Variants in C8orf34 observed in about 807,000 individuals in gnomAD.
The protein encoded by C8orf34 is chromosome 8 open reading frame 34.
C8orf34 carries 65 observed loss-of-function variants against 68.3 expected under a neutral mutation model. The observed-to-expected ratio is 0.95, with a 90% CI of 0.78 to 1.17. C8orf34 has a LOEUF of 1.17. Among genes scored for constraint, C8orf34 ranks in the 50% most tolerant of loss-of-function variants. The pLI, the probability that C8orf34 is intolerant of heterozygous loss-of-function variation, is 0.00. For missense variants in C8orf34, 664 were observed against 655.4 expected, an observed-to-expected ratio of 1.01 and a Z score of -0.14; for synonymous variants, 244 against 241.2, an observed-to-expected ratio of 1.01 and a Z score of -0.11.
chr8:68,331,483 G>A (rs1585924618), intron 1 of C8orf34, 144 bp downstream of exon 1: 2 of 904,854 alleles, frequency 2.2e-6, no homozygotes, highest in Non-Finnish European at 1.7e-6. Context: ...GGGATTCACT[G>A]GCATTCGCTC....
intron 8 of C8orf34, among the ~76,000 whole-genome samples, chr8:68,678,489 C>T (rs937832635): frequency 1.1e-4 from 17 of 152,022 alleles, no homozygotes; most frequent in African/African-American, 3.1e-4. Flanking sequence ...AGAAACCATA[C>T]GATCATTTCA....
intron 4 of C8orf34, among the ~76,000 whole-genome samples, chr8:68,473,854 A>G (rs775870616): frequency 8.5e-5 from 13 of 152,120 alleles, no homozygotes; most frequent in Non-Finnish European, 1.9e-4. Context: ...TCCAGTCTTC[A>G]TGTTACAAAA....
rs558996092 is a variant in C8orf34, at chr8:68,572,992, G to T, written c.1105+39843G>T. 6.4e-4 allele frequency among the ~76,000 whole-genome samples: 98 copies of T among 152,084 alleles called. No individual in the cohort carries two copies. In the South Asian group the frequency reaches 0.019, roughly 29 times the overall value. ...CAAATACTTGAGTAGAGTTATCATGGCTCTCCCATCTTCATTCCTCCTGCT... is the reference window on the plus strand; with the variant it reads ...CAAATACTTGAGTAGAGTTATCATGTCTCTCCCATCTTCATTCCTCCTGCT... On this transcript the variant is annotated intron_variant, in intron 7 of 13. Transcript: ENST00000518698.
At chr8:68,418,298 C>G (rs1349761395) in intron 1 of C8orf34, among the ~76,000 whole-genome samples, 1 of 148,892 alleles carries the variant, frequency 6.7e-6, no homozygotes, top group African/African-American at 2.5e-5. Context: ...CCTTCTCCTG[C>G]CTAATTGCCC....
rs377679648 is a variant in C8orf34, at chr8:68,342,072, A to G, written c.327+10733A>G. The stretch of plus-strand genomic sequence containing the variant: ...GAAAATTCCTAATGGAGTAGATTTT[A>G]GATTTTTACCACAAACAAAAATGAT... On this transcript the variant is annotated intron_variant, in intron 1 of 13. Coordinates refer to ENST00000518698, the MANE Select transcript of C8orf34 (RefSeq NM_052958.4). 2.6e-4 allele frequency among the ~76,000 whole-genome samples: 40 copies of G among 152,334 alleles called. 1 individual carries two copies. The East Asian group carries it at 3.7e-3, about 14-fold the overall frequency.
At chr8:68,812,233 TA>T (rs1195289903) in intron 12 of C8orf34, among the ~76,000 whole-genome samples, 1 of 152,154 alleles carries the variant, frequency 6.6e-6, no homozygotes, top group East Asian at 1.9e-4. Context: ...ATGATAAACA[TA>T]AAAATTAGAA....
Position 68,434,562 on chromosome 8 carries a change from A to C in C8orf34, c.328-4937A>C, listed in dbSNP as rs555432462. Reference sequence around the variant, plus strand: ...TAGTCTATCACTGATGGGCATTTGCATTGGTTCCGAGTCTTTGCTATCGTA... The same window carrying C: ...TAGTCTATCACTGATGGGCATTTGCCTTGGTTCCGAGTCTTTGCTATCGTA... On this transcript the variant is annotated intron_variant, in intron 1 of 13. Coordinates refer to ENST00000518698, the MANE Select transcript of C8orf34 (RefSeq NM_052958.4). Among the ~76,000 whole-genome samples, 6 of 152,256 alleles carry C rather than the reference A, an allele frequency of 3.9e-5. No homozygotes were observed. In the East Asian group the frequency reaches 1.2e-3, roughly 29 times the overall value.
chr8:68,495,066 C>G (rs868340318), intron 5 of C8orf34, among the ~76,000 whole-genome samples: 1 of 151,632 alleles, frequency 6.6e-6, no homozygotes, highest in South Asian at 2.1e-4. Flanking sequence ...ACAATTCCCC[C>G]GGAGGTCTCA....
chr8:68,724,659 C>T (rs1821774371), intron 10 of C8orf34, among the ~76,000 whole-genome samples: 1 of 152,186 alleles, frequency 6.6e-6, no homozygotes, highest in African/African-American at 2.4e-5. Flanking sequence ...GGTATATATA[C>T]AGCCTATGCA....
rs1240306253 is a variant in C8orf34, at chr8:68,600,883, G to C, written c.1106-39493G>C. On this transcript the variant is annotated intron_variant, in intron 7 of 13. Transcript: ENST00000518698. ...GCTCCTTCCATCTAATTGTATGTTT[G>C]TACCCATTCACCAACCTGTGAATTC... is the stretch of plus-strand genomic sequence containing the variant. Among the ~76,000 whole-genome samples, 3 of 152,070 alleles carry C rather than the reference G, an allele frequency of 2.0e-5. No individual in the cohort carries two copies. In the East Asian group the frequency reaches 5.8e-4, roughly 29 times the overall value.
chr8:68,774,944 T>TAAAAAAAG (rs1823466085), intron 10 of C8orf34, among the ~76,000 whole-genome samples: 1 of 44,688 alleles, frequency 2.2e-5, no homozygotes, highest in African/African-American at 1.3e-4. Context: ...CTGTCTCCAC[T>TAAAAAAAG]AAAAAAAAAA....
At chr8:68,767,361 C>T (rs1440182973) in intron 10 of C8orf34, among the ~76,000 whole-genome samples, 2 of 152,124 alleles carry the variant, frequency 1.3e-5, no homozygotes, top group Non-Finnish European at 2.9e-5. Flanking sequence ...CATTCATTGT[C>T]CCCCAAAGTT....
chr8:68,721,267 C>T (rs751829713), intron 9 of C8orf34, 94 bp from the exon 10 acceptor site: 3 of 767,134 alleles, frequency 3.9e-6, no homozygotes, highest in Non-Finnish European at 6.3e-6. Flanking sequence ...CACCCAATTC[C>T]ATCATTTTAT....
At chr8:68,617,528 T>A (rs1010666667) in intron 7 of C8orf34, among the ~76,000 whole-genome samples, 4 of 152,204 alleles carry the variant, frequency 2.6e-5, no homozygotes, top group African/African-American at 9.7e-5. Flanking sequence ...GTATTTTATT[T>A]CTCCTTCACT....
chr8:68,458,870 C>A (rs1206593763), intron 3 of C8orf34, among the ~76,000 whole-genome samples: 2 of 152,112 alleles, frequency 1.3e-5, no homozygotes, highest in African/African-American at 4.8e-5. Context: ...CAGCTGCGTT[C>A]ATTTTTTTAT....
intron 5 of C8orf34, among the ~76,000 whole-genome samples, chr8:68,521,207 A>G (rs1814740937): frequency 6.6e-6 from 1 of 152,204 alleles, no homozygotes; most frequent in Admixed American, 6.5e-5. Flanking sequence ...TGTATTCAGT[A>G]TTCTACTACA....
intron 8 of C8orf34, among the ~76,000 whole-genome samples, chr8:68,671,533 G>A (rs11781575): frequency 0.42 from 63,562 of 151,960 alleles, 13,562 homozygotes; most frequent in East Asian, 0.57. Flanking sequence ...GAAGTAGAGC[G>A]ACATTTTAGA....
At chr8:68,709,123 C>T (rs1821260056) in intron 9 of C8orf34, 44 bp downstream of exon 9, 3 of 1,432,428 alleles carry the variant, frequency 2.1e-6, no homozygotes, top group Admixed American at 1.8e-5. Context: ...TCTAGTGGCA[C>T]TTAAAGATTA....
At chr8:68,520,493 C>T (rs1372767148) in intron 5 of C8orf34, among the ~76,000 whole-genome samples, 1 of 152,072 alleles carries the variant, frequency 6.6e-6, no homozygotes, top group African/African-American at 2.4e-5. Context: ...CTCTGTTGCC[C>T]AGGCTGGAGT....
Sources: allele counts gnomAD v4.1 joint callset (sites outside exome capture counted in the v4.1 genomes callset), GRCh38; gene constraint gnomAD v4.1.1; transcripts MANE v1.5; gene names NCBI Gene and HGNC (gene_info 2026-07-23, HGNC 2026-07-21).